Variants in LATS2 observed in about 807,000 individuals in gnomAD.
LATS2 encodes the protein large tumor suppressor kinase 2.
Under a neutral mutation model 76.0 loss-of-function variants are expected in LATS2, and 24 were observed. That is an observed-to-expected ratio of 0.32 (90% CI 0.23 to 0.44). The LOEUF is 0.44. LATS2 is among the 20% of genes least tolerant of loss of function. LATS2 has a pLI of 1.00. For synonymous variants in LATS2, 692 were observed against 635.4 expected (o/e 1.09, Z -1.34); for missense variants, 1,286 against 1,481.2 (o/e 0.87, Z 2.16).
chr13:21,007,557 A>AG (rs1260620459), intron 2 of LATS2, among the ~76,000 whole-genome samples: 1 of 16,040 alleles, frequency 6.2e-5, no homozygotes, highest in Non-Finnish European at 8.4e-5. Flanking sequence ...ATATATATAT[A>AG]TATATATATA....
intron 5 of LATS2, among the ~76,000 whole-genome samples, 176 bp from the exon 6 acceptor site, chr13:20,981,824 C>T (rs1243813097): frequency 6.6e-6 from 1 of 152,170 alleles, no homozygotes; most frequent in African/African-American, 2.4e-5. Flanking sequence ...CCTGCTGTTC[C>T]TAGTTTGGAG....
chr13:20,975,201 G>C lies in LATS2; in HGVS notation c.2936C>G (p.Ser979Cys). 1 of 1,614,214 alleles carries C rather than the reference G, an allele frequency of 6.2e-7. No individual in the cohort carries two copies. Among genetic ancestry groups the C allele is most frequent in the Non-Finnish European group, 8.5e-7 (1 of 1,180,044 alleles). Residue 979 changes from serine (S) to cysteine (C), a missense_variant, in exon 8 of 8, where the codon TCC (serine) becomes TGC (cysteine). Ser to Cys is a moderately radical substitution (Grantham distance 112). Coordinates refer to ENST00000382592, the MANE Select transcript of LATS2 (RefSeq NM_014572.3). ...GGCTGGCTGCTTCCGGATGTCACTG[G>C]AGAAGTCAATGGCGCTGAAGAAGGG... The part of the protein sequence containing the change: ...AHPFFSAIDF[S>C]SDIRKQPAPY...
chr13:21,058,202 C>T (rs992170400), intron 1 of LATS2, among the ~76,000 whole-genome samples: 2 of 152,170 alleles, frequency 1.3e-5, no homozygotes, highest in Non-Finnish European at 1.5e-5. Flanking sequence ...TTTGAATTTA[C>T]CTTCTGTATT....
At chr13:20,976,026 TGAAAAACAAACAG>T (rs1466841600) in intron 7 of LATS2, among the ~76,000 whole-genome samples, 1 of 152,188 alleles carries the variant, frequency 6.6e-6, no homozygotes, top group East Asian at 1.9e-4. Context: ...ACTGGGGTTT[TGAAAAACAAACAG>T]GAAAAACTTC....
chr13:20,999,355 A>C (rs548944508), intron 2 of LATS2, among the ~76,000 whole-genome samples: 1 of 152,342 alleles, frequency 6.6e-6, no homozygotes, highest in East Asian at 1.9e-4. Context: ...GTCTTTTTGA[A>C]ACGAATGAAG....
chr13:21,036,075 T>C (rs1412593714), intron 2 of LATS2, among the ~76,000 whole-genome samples: 1 of 152,158 alleles, frequency 6.6e-6, no homozygotes, highest in Admixed American at 6.5e-5. Context: ...ATTTTTGTAT[T>C]TTTAATAGAC....
At chr13:21,046,699 C>A (rs1443252614) in intron 1 of LATS2, among the ~76,000 whole-genome samples, 2 of 152,154 alleles carry the variant, frequency 1.3e-5, no homozygotes, top group African/African-American at 4.8e-5. Context: ...CCTTCCATAT[C>A]TTTAGAAAAC....
chr13:20,988,161 A>C lies in LATS2; in HGVS notation c.1619T>G (p.Met540Arg), dbSNP rs1870256204. 6.2e-7 allele frequency: 1 copy of C among 1,613,726 alleles called. No homozygotes were observed. The highest frequency in any genetic ancestry group is 1.1e-5 in the South Asian group (1 of 91,070). The change falls in exon 4 of 8, where the codon ATG becomes AGG. Residue 540 changes from methionine to arginine, a missense_variant. By Grantham distance (91) the Met-to-Arg change is moderately conservative (BLOSUM62 -1). This residue lies in a region of LATS2 where 710 missense variants were observed against 660.9 expected (regional missense o/e 1.07). Coordinates refer to ENST00000382592, the MANE Select transcript of LATS2 (RefSeq NM_014572.3). Reference sequence around the variant, plus strand: ...GGGGCCCGCACGGAGGCTCTGCTCCATGCCTGCGCACAGGCTGTCCAGGTC... The same window carrying C: ...GGGGCCCGCACGGAGGCTCTGCTCCCTGCCTGCGCACAGGCTGTCCAGGTC... ...QYDLDSLCAG[M>R]EQSLRAGPNE...
rs1174336495 is a variant in LATS2, at chr13:20,988,679, G to T, written c.1101C>A (p.Val367=). The change falls in exon 4 of 8, where the codon GTC becomes GTA. Residue 367 remains valine, a synonymous_variant. Transcript: ENST00000382592. ...VDLYELGSTS[V]QQWPAATLAR... is the part of the protein sequence containing the mutation. The stretch of plus-strand genomic sequence containing the variant: ...CCAGGGTGGCAGCCGGCCACTGCTG[G>T]ACGGAGGTGCTGCCCAATTCATACA... The T allele has an allele frequency of 6.3e-7, 1 of 1,574,918 alleles. No homozygotes were observed. The highest frequency in any genetic ancestry group is 2.3e-5 in the East Asian group (1 of 44,296).
At chr13:21,042,218 A>G (rs1872902117) in intron 2 of LATS2, among the ~76,000 whole-genome samples, 1 of 152,242 alleles carries the variant, frequency 6.6e-6, no homozygotes, top group South Asian at 2.1e-4. Context: ...CATTTGACAT[A>G]CACATTATAT....
At chr13:21,028,287 C>T (rs1362027670) in intron 2 of LATS2, among the ~76,000 whole-genome samples, 1 of 152,118 alleles carries the variant, frequency 6.6e-6, no homozygotes, top group Non-Finnish European at 1.5e-5. Context: ...GCATAGTATT[C>T]CATGGTGTAT....
chr13:20,991,702 A>C lies in LATS2; in HGVS notation c.343-298T>G, dbSNP rs1463167367. ...ACTTAAATTCTGCTTCTCCTCAGAA[A>C]ACTTTTGTGGTTGGACTGGTGAGTT... On this transcript the variant is annotated intron_variant, in intron 2 of 7. Transcript: ENST00000382592. The surrounding 1 kb of genome is among the most constrained non-coding windows in gnomAD (Gnocchi z 4.9). 6.6e-6 allele frequency among the ~76,000 whole-genome samples: 1 copy of C among 152,192 alleles called. No homozygotes were observed. Among genetic ancestry groups the C allele is most frequent in the Non-Finnish European group, 1.5e-5 (1 of 68,044 alleles).
At chr13:21,056,299 A>G (rs1056743219) in intron 1 of LATS2, among the ~76,000 whole-genome samples, 34 of 152,108 alleles carry the variant, frequency 2.2e-4, no homozygotes, top group African/African-American at 8.2e-4. Flanking sequence ...TCGGCCTCCC[A>G]AAGTGCTGGA....
chr13:21,045,209 A>G (rs944667980), intron 2 of LATS2, among the ~76,000 whole-genome samples: 2 of 152,124 alleles, frequency 1.3e-5, no homozygotes, highest in African/African-American at 4.8e-5. Flanking sequence ...CATATACACT[A>G]ATTGTTAAAT....
At chr13:21,043,460 C>T (rs1048731436) in intron 2 of LATS2, among the ~76,000 whole-genome samples, 1 of 152,244 alleles carries the variant, frequency 6.6e-6, no homozygotes, top group East Asian at 1.9e-4. Context: ...GACTTTCCTA[C>T]CTGAATTTTC....
chr13:21,059,695 G>C lies in LATS2; in HGVS notation c.-205+1651C>G, dbSNP rs955164750. On this transcript the variant is annotated intron_variant, in intron 1 of 7. Coordinates refer to ENST00000382592, the MANE Select transcript of LATS2 (RefSeq NM_014572.3). The stretch of plus-strand genomic sequence containing the variant: ...CAAAATTCTTGTCAGGTGGGGCGCG[G>C]TGGCTCACGCCTGTAATCCCAGCAC... Among the ~76,000 whole-genome samples, 3 of 152,240 alleles carry C rather than the reference G, an allele frequency of 2.0e-5. No individual in the cohort carries two copies. In the South Asian group the frequency reaches 6.2e-4, roughly 31 times the overall value.
At chr13:21,054,903 G>C (rs545653533) in intron 1 of LATS2, among the ~76,000 whole-genome samples, 62 of 152,290 alleles carry the variant, frequency 4.1e-4, no homozygotes, top group Admixed American at 1.6e-3. Flanking sequence ...CCCACAAGCT[G>C]TTCTGATTTT....
At chr13:21,020,031 G>A (rs1466789141) in intron 2 of LATS2, among the ~76,000 whole-genome samples, 1 of 150,290 alleles carries the variant, frequency 6.7e-6, no homozygotes, top group Admixed American at 6.6e-5. Flanking sequence ...TACTTTTCTA[G>A]AGAACAGGGA....
intron 2 of LATS2, among the ~76,000 whole-genome samples, chr13:21,013,068 T>C (rs1871660369): frequency 6.6e-6 from 1 of 152,178 alleles, no homozygotes; most frequent in Non-Finnish European, 1.5e-5. Flanking sequence ...AAGGCTCTGT[T>C]CTAAGCACTG....
Sources: allele counts gnomAD v4.1 joint callset (sites outside exome capture counted in the v4.1 genomes callset), GRCh38; gene constraint gnomAD v4.1.1; regional missense constraint gnomAD v4.1.1; non-coding constraint Gnocchi (gnomAD v3.1); transcripts MANE v1.5; gene names NCBI Gene and HGNC (gene_info 2026-07-23, HGNC 2026-07-21).